The following CACNB2 variants were observed in gnomAD, a reference collection of about 807,000 sequenced individuals.
CACNB2 encodes the protein voltage-dependent L-type calcium channel subunit beta-2.
A neutral mutation model predicts 73.3 loss-of-function variants in CACNB2; 42 were observed. The observed-to-expected ratio is 0.57, with a 90% CI of 0.45 to 0.74. CACNB2 has a LOEUF of 0.74. Among genes scored for constraint, CACNB2 ranks in the 30% least tolerant of loss-of-function variants. The pLI, the probability that CACNB2 is intolerant of heterozygous loss-of-function variation, is 0.00. For missense variants in CACNB2, 940 were observed against 853.0 expected (o/e 1.10, Z -1.27); for synonymous variants, 348 against 310.3 (o/e 1.12, Z -1.28).
At chr10:18,348,982 G>A (rs2041591507) in intron 2 of CACNB2, among the ~76,000 whole-genome samples, 1 of 152,180 alleles carries the variant, frequency 6.6e-6, no homozygotes, top group African/African-American at 2.4e-5. Context: ...TCAGCCACAT[G>A]TGGTGGTGTG....
At chr10:18,163,568 C>G (rs1466134559) in intron 2 of CACNB2, among the ~76,000 whole-genome samples, 1 of 152,136 alleles carries the variant, frequency 6.6e-6, no homozygotes, top group Admixed American at 6.5e-5. Context: ...TGGCCTCAGG[C>G]AGGGCCGCAA....
intron 9 of CACNB2, chr10:18,520,062 G>A: frequency 4.6e-6 from 1 of 215,310 alleles, no homozygotes; most frequent in Non-Finnish European, 9.2e-6. Flanking sequence ...GCTCTATGAT[G>A]TCTTTTACCT....
intron 2 of CACNB2, among the ~76,000 whole-genome samples, chr10:18,355,966 G>C (rs1467184471): frequency 6.6e-6 from 1 of 151,914 alleles, no homozygotes; most frequent in Admixed American, 6.6e-5. Flanking sequence ...TGTAATGTCC[G>C]AGTCAACTAA....
chr10:18,145,413 ATT>A (rs5783585), intron 1 of CACNB2, among the ~76,000 whole-genome samples: 44 of 149,868 alleles, frequency 2.9e-4, no homozygotes, highest in Non-Finnish European at 4.0e-4. Context: ...CTTGAATGGT[ATT>A]TTTTTTTTTC....
At chr10:18,329,760 A>G (rs1479450593) in intron 2 of CACNB2, among the ~76,000 whole-genome samples, 1 of 152,068 alleles carries the variant, frequency 6.6e-6, no homozygotes, top group Admixed American at 6.6e-5. Flanking sequence ...TTTATCCCAA[A>G]TTCATTGTTT....
intron 5 of CACNB2, among the ~76,000 whole-genome samples, chr10:18,501,534 G>A (rs931616021): frequency 1.3e-5 from 2 of 152,226 alleles, no homozygotes; most frequent in Non-Finnish European, 2.9e-5. Flanking sequence ...CCTAGGATTT[G>A]TGAGGTTGTC....
At chr10:18,428,954 A>G (rs906004598) in intron 3 of CACNB2, among the ~76,000 whole-genome samples, 1 of 152,146 alleles carries the variant, frequency 6.6e-6, no homozygotes, top group Admixed American at 6.5e-5. Flanking sequence ...TTTACCATTT[A>G]ACTTTTAAAA....
chr10:18,532,701 ACAAAAAAAC>A (rs1564663728), intron 10 of CACNB2, among the ~76,000 whole-genome samples: 1 of 58,580 alleles, frequency 1.7e-5, no homozygotes, highest in Non-Finnish European at 3.6e-5. Flanking sequence ...AAAAAACAAA[ACAAAAAAAC>A]AAACAAACAA....
At chr10:18,444,716 G>A (rs1002180959) in intron 3 of CACNB2, among the ~76,000 whole-genome samples, 1 of 152,182 alleles carries the variant, frequency 6.6e-6, no homozygotes, top group Non-Finnish European at 1.5e-5. Flanking sequence ...TAAGTAATTT[G>A]TAAAATAACA....
chr10:18,377,943 A>G (rs1369460708), intron 2 of CACNB2, among the ~76,000 whole-genome samples: 1 of 152,194 alleles, frequency 6.6e-6, no homozygotes, highest in Admixed American at 6.5e-5. Context: ...AATTATAATT[A>G]TGATAGACAC....
intron 2 of CACNB2, among the ~76,000 whole-genome samples, chr10:18,358,919 A>G (rs1316645964): frequency 6.6e-6 from 1 of 152,170 alleles, no homozygotes; most frequent in Non-Finnish European, 1.5e-5. Flanking sequence ...TTTCATAAAT[A>G]TGGCCATATT....
intron 13 of CACNB2, among the ~76,000 whole-genome samples, chr10:18,538,906 T>G (rs1351788950): frequency 6.6e-6 from 1 of 151,822 alleles, no homozygotes; most frequent in Non-Finnish European, 1.5e-5. Flanking sequence ...CACCGCTGTA[T>G]AGAAAAATCT....
intron 2 of CACNB2, among the ~76,000 whole-genome samples, chr10:18,272,178 A>T (rs554821212): frequency 6.6e-6 from 1 of 152,238 alleles, no homozygotes; most frequent in African/African-American, 2.4e-5. Flanking sequence ...AAACAATGTG[A>T]TAGCTATTCG....
At chr10:18,394,179 G>A (rs912499252) in intron 2 of CACNB2, among the ~76,000 whole-genome samples, 3 of 150,794 alleles carry the variant, frequency 2.0e-5, no homozygotes, top group Non-Finnish European at 4.4e-5. Flanking sequence ...GGCTGGTCTC[G>A]AATTCCTGAC....
chr10:18,320,500 A>G (rs539197681), intron 2 of CACNB2, among the ~76,000 whole-genome samples: 9 of 152,358 alleles, frequency 5.9e-5, no homozygotes, highest in Non-Finnish European at 1.0e-4. Context: ...TTTGCATGAA[A>G]AAAGACACGA....
chr10:18,464,874 A>G (rs2047790715), intron 3 of CACNB2, among the ~76,000 whole-genome samples: 1 of 152,368 alleles, frequency 6.6e-6, no homozygotes, highest in East Asian at 1.9e-4. Context: ...TAGTGAACCA[A>G]TGCAAAGTGG....
chr10:18,183,670 G>A (rs752148033), intron 2 of CACNB2, among the ~76,000 whole-genome samples: 10 of 152,156 alleles, frequency 6.6e-5, no homozygotes, highest in Non-Finnish European at 1.5e-4. Flanking sequence ...CTCCCACTGG[G>A]TCCCTCCCAT....
chr10:18,374,272 G>C (rs943009141), intron 2 of CACNB2, among the ~76,000 whole-genome samples: 1 of 152,328 alleles, frequency 6.6e-6, no homozygotes, highest in Admixed American at 6.5e-5. Flanking sequence ...TGGATGAAGA[G>C]ATGCCAAGTA....
chr10:18,242,081 GTA>G (rs1191187027), intron 2 of CACNB2, among the ~76,000 whole-genome samples: 1 of 145,160 alleles, frequency 6.9e-6, no homozygotes, highest in African/African-American at 2.6e-5. Context: ...ATGTATATAT[GTA>G]TATATGTGTG....
Sources: gnomAD v4.1 joint callset for allele counts (sites outside exome capture counted in the v4.1 genomes callset) on GRCh38, gnomAD v4.1.1 for gene constraint, MANE v1.5 for transcripts, NCBI Gene and HGNC (gene_info 2026-07-23, HGNC 2026-07-21) for gene names.